TARBP1: variants seen among roughly 807,000 people sequenced by gnomAD.
The protein encoded by TARBP1 is tRNA guanosine 2 -O-methyltransferase TARBP1, also known as tRNA (guanosine(18)-2'-O)-methyltransferase TARBP1.
In TARBP1, 144 loss-of-function variants were observed where a neutral mutation model predicts 178.6. The observed-to-expected ratio is 0.81, with a 90% confidence interval of 0.70 to 0.93. The LOEUF is 0.93. TARBP1 is among the 40% of genes least tolerant of loss of function. TARBP1 has a pLI of 0.00. For missense variants in TARBP1, 2,067 were observed against 2,011.7 expected (o/e 1.03, Z -0.53); for synonymous variants, 787 against 781.0 (o/e 1.01, Z -0.13).
At chr1:234,462,867 T>C (rs1668024755) in intron 6 of TARBP1, among the ~76,000 whole-genome samples, 2 of 152,248 alleles carry the variant, frequency 1.3e-5, no homozygotes, top group South Asian at 4.1e-4. Flanking sequence ...ATTGGCCATC[T>C]TGTCATCCTA....
At position 234,479,037 on chromosome 1, in the gene TARBP1, GC is replaced by G; in HGVS notation, c.66del (p.Leu23CysfsTer75). The G allele has an allele frequency of 6.5e-7, 1 of 1,537,058 alleles. No homozygotes were observed. Among genetic ancestry groups the G allele is most frequent in the Non-Finnish European group, 8.7e-7 (1 of 1,154,684 alleles). On this transcript the variant is annotated frameshift_variant, in exon 1 of 30. Transcript: ENST00000040877. LOFTEE classifies it high-confidence loss of function. ...QSRDPRALLG[A>X]LCQGEASAER... ...TCCGCGGATGCCTCCCCTTGGCACA[GC>G]GCCCCAAGCAGGGCCCGGGGGTCCC...
At chr1:234,398,194 A>C in intron 26 of TARBP1, 188 bp downstream of exon 26, 1 of 420,004 alleles carries the variant, frequency 2.4e-6, no homozygotes, top group Non-Finnish European at 4.0e-6. Flanking sequence ...TTTAAAGCTA[A>C]GTTTCACTAA....
chr1:234,392,680 T>A, intron 28 of TARBP1, 128 bp from the exon 29 acceptor site: 1 of 744,892 alleles, frequency 1.3e-6, no homozygotes. Context: ...TTATACATTA[T>A]AAAAAAGAAC....
In TARBP1 at chr1:234,442,924, A is replaced by C. The variant is rs189297442; in HGVS notation, c.2134+3879T>G. On this transcript the variant is annotated intron_variant, in intron 12 of 29. Transcript: ENST00000040877. ...CACCCTCAAGGCACATTCCCTGGTC[A>C]CTGCCACATCTCTGAATTTAACACC... is the stretch of plus-strand genomic sequence containing the variant. Among the ~76,000 whole-genome samples, 466 of 152,288 alleles carry C rather than the reference A, an allele frequency of 3.1e-3. 4 individuals carry two copies. The highest frequency in any genetic ancestry group is 0.011 in the African/African-American group (441 of 41,570).
intron 17 of TARBP1, among the ~76,000 whole-genome samples, chr1:234,428,736 G>C (rs914707329): frequency 3.9e-5 from 6 of 152,072 alleles, no homozygotes; most frequent in African/African-American, 1.4e-4. Context: ...AGTAAAGACG[G>C]GGTTTTGCCA....
intron 9 of TARBP1, among the ~76,000 whole-genome samples, chr1:234,450,968 C>T (rs912369473): frequency 2.0e-5 from 3 of 152,080 alleles, no homozygotes; most frequent in African/African-American, 4.8e-5. Context: ...CAACTTACAA[C>T]CTTCAACTAA....
At position 234,427,401 on chromosome 1, in the gene TARBP1, A is replaced by C; in HGVS notation, c.3252-13T>G. 6.3e-7 allele frequency: 1 copy of C among 1,597,762 alleles called. No homozygotes were observed. The highest frequency in any genetic ancestry group is 8.5e-7 in the Non-Finnish European group (1 of 1,172,934). ...ATCCTGAACAAGTCTTTCCATAAAA[A>C]ACATTTGATAAAGAACAACAGGTTT... On this transcript the variant is annotated splice_polypyrimidine_tract_variant and intron_variant, in intron 18 of 29. Transcript: ENST00000040877.
At chr1:234,423,032 TG>T (rs1663291363) in intron 20 of TARBP1, among the ~76,000 whole-genome samples, 1 of 152,200 alleles carries the variant, frequency 6.6e-6, no homozygotes, top group African/African-American at 2.4e-5. Context: ...TTCTGTAGAC[TG>T]GGGGCAGGGC....
At chr1:234,404,702 G>A (rs920125526) in intron 24 of TARBP1, among the ~76,000 whole-genome samples, 1 of 152,142 alleles carries the variant, frequency 6.6e-6, no homozygotes, top group Non-Finnish European at 1.5e-5. Flanking sequence ...TGTGCACGAT[G>A]TACCAGGAAT....
intron 12 of TARBP1, among the ~76,000 whole-genome samples, chr1:234,442,796 CA>C (rs1665721144): frequency 1.3e-5 from 2 of 152,090 alleles, no homozygotes; most frequent in South Asian, 4.1e-4. Flanking sequence ...GAAGAGAGAA[CA>C]AAAAGACTTG....
At chr1:234,392,966 G>A (rs1193647328) in intron 28 of TARBP1, among the ~76,000 whole-genome samples, 3 of 152,018 alleles carry the variant, frequency 2.0e-5, no homozygotes, top group Non-Finnish European at 2.9e-5. Flanking sequence ...TGATCCGCCC[G>A]CCTCGGCCTC....
intron 8 of TARBP1, 23 bp from the exon 9 acceptor site, chr1:234,457,779 TA>T: frequency 6.4e-7 from 1 of 1,551,760 alleles, no homozygotes; most frequent in Non-Finnish European, 8.8e-7. Flanking sequence ...GGAAAGGTTT[TA>T]AAAATTACTC....
intron 9 of TARBP1, among the ~76,000 whole-genome samples, chr1:234,457,287 T>C (rs778544509): frequency 2.6e-5 from 4 of 152,146 alleles, no homozygotes; most frequent in Non-Finnish European, 5.9e-5. Flanking sequence ...ACATAAGGAC[T>C]GGACAACTGG....
Position 234,450,525 on chromosome 1 carries a change from T to C in TARBP1, c.1764A>G (p.Pro588=), listed in dbSNP as rs368547468. 1.1e-5 allele frequency: 17 copies of C among 1,611,392 alleles called. No individual in the cohort carries two copies. The highest frequency in any genetic ancestry group is 1.4e-5 in the Non-Finnish European group (17 of 1,179,138). ...GTCCAATGGAGCTACACGTAGGGGA[T>C]GGCTTAAAATAGCTTTCATTAACAC... is the stretch of plus-strand genomic sequence containing the variant. The part of the protein sequence containing the change: ...WLRVNESYFK[P]SPTCSSIGLH... Residue 588 remains proline (P), a synonymous_variant, in exon 10 of 30, where the codon CCA becomes CCG. Transcript: ENST00000040877.
intron 12 of TARBP1, among the ~76,000 whole-genome samples, chr1:234,440,864 G>GA (rs894511615): frequency 1.6e-4 from 25 of 152,266 alleles, no homozygotes; most frequent in South Asian, 6.2e-4. Context: ...TAAAACTGAT[G>GA]AAAAAAATCA....
At chr1:234,396,237 C>T (rs1301438023) in intron 26 of TARBP1, among the ~76,000 whole-genome samples, 1 of 152,222 alleles carries the variant, frequency 6.6e-6, no homozygotes, top group African/African-American at 2.4e-5. Context: ...TTACGCAGAA[C>T]TCGACAGCTG....
chr1:234,415,468 T>G (rs1470998370), intron 22 of TARBP1, among the ~76,000 whole-genome samples: 1 of 152,204 alleles, frequency 6.6e-6, no homozygotes, highest in Non-Finnish European at 1.5e-5. Context: ...AGTGGACAAC[T>G]GCCCCTTTCT....
At position 234,392,537 on chromosome 1, in the gene TARBP1, G is replaced by A; in HGVS notation, c.4576C>T (p.Leu1526=). Residue 1526 remains leucine, a synonymous_variant, in exon 29 of 30, where the codon CTA becomes TTA. Transcript: ENST00000040877. ...LPLVEVKPPQ[L]IDYLQQKKTE... ...TTCTTCTGCTGCAGATAATCAATTAGCTGAGGTGGTTTTACCTGAATATTA... is the reference window on the plus strand; with the variant it reads ...TTCTTCTGCTGCAGATAATCAATTAACTGAGGTGGTTTTACCTGAATATTA... The A allele has an allele frequency of 1.2e-6, 2 of 1,613,980 alleles. No individual in the cohort carries two copies. Among genetic ancestry groups the A allele is most frequent in the Non-Finnish European group, 1.7e-6 (2 of 1,179,912 alleles).
chr1:234,469,060 CTTTTTT>C lies in TARBP1; in HGVS notation c.1100-1416_1100-1411del, dbSNP rs765324709. 1.2e-3 allele frequency among the ~76,000 whole-genome samples: 79 copies of C among 68,568 alleles called. 1 individual carries two copies. The highest frequency in any genetic ancestry group is 2.8e-3 in the African/African-American group (52 of 18,828). 45.0% of individuals were successfully genotyped at this position (68,568 alleles called of 152,430 possible). ...GTGCGAAAGTCGTTGCGGTTTTTGC[CTTTTTT>C]TTTTTTTTTTTAAAAAAAAAAAAAA... On this transcript the variant is annotated intron_variant, in intron 3 of 29. Transcript: ENST00000040877.
Sources: gnomAD v4.1 joint callset for allele counts (sites outside exome capture counted in the v4.1 genomes callset) on GRCh38, gnomAD v4.1.1 for gene constraint, MANE v1.5 for transcripts, NCBI Gene and HGNC (gene_info 2026-07-23, HGNC 2026-07-21) for gene names.